The following KLRG1 variants were observed in gnomAD, a reference collection of about 807,000 sequenced individuals.
The protein encoded by KLRG1 is killer cell lectin like receptor G1.
Under a neutral mutation model 21.8 loss-of-function variants are expected in KLRG1, and 16 were observed. That is an observed-to-expected ratio of 0.73 (90% confidence interval 0.50 to 1.11). The LOEUF is 1.11. KLRG1 is among the 50% of genes most tolerant of loss of function. KLRG1 has a pLI of 0.00. For missense variants in KLRG1, 173 were observed against 218.3 expected, an observed-to-expected ratio of 0.79 and a Z score of 1.31; for synonymous variants, 69 against 75.9, an observed-to-expected ratio of 0.91 and a Z score of 0.47.
chr12:9,045,833 A>G, the KLRG1 span, among the ~76,000 whole-genome samples: 3 of 151,972 alleles, frequency 2.0e-5, no homozygotes, highest in Non-Finnish European at 4.4e-5. Context: ...AATGTGGTAC[A>G]TATACACCAT....
At chr12:9,154,898 G>A in the KLRG1 span, 5 of 1,470,042 alleles carry the variant, frequency 3.4e-6, no homozygotes, top group Non-Finnish European at 3.7e-6. Context: ...ATAACTGGTA[G>A]ATAAGAGAAT....
the KLRG1 span, chr12:9,067,722 A>C: frequency 9.8e-7 from 1 of 1,016,656 alleles, no homozygotes; most frequent in Non-Finnish European, 1.5e-6. Context: ...TTGACCAGAA[A>C]AAGTGTTTAT....
chr12:9,112,226 T>A, the KLRG1 span: 1 of 1,613,784 alleles, frequency 6.2e-7, no homozygotes, highest in Non-Finnish European at 8.5e-7. Flanking sequence ...AACAGAAATA[T>A]TTTTCATGAG....
chr12:8,992,383 T>A, intron 2 of KLRG1, 73 bp downstream of exon 2: 1 of 1,089,728 alleles, frequency 9.2e-7, no homozygotes, highest in South Asian at 1.5e-5. Flanking sequence ...GCAGAAGCTT[T>A]GAAAAATCAA....
chr12:9,199,952 T>C, the KLRG1 span, among the ~76,000 whole-genome samples: 1 of 152,300 alleles, frequency 6.6e-6, no homozygotes, highest in Admixed American at 6.5e-5. Flanking sequence ...AGACCATTTT[T>C]AGGACAATTG....
chr12:9,149,064 C>A, the KLRG1 span: 2 of 1,397,128 alleles, frequency 1.4e-6, no homozygotes, highest in Middle Eastern at 3.6e-4. Flanking sequence ...GTGTGGGCAG[C>A]AGAGTGAGCT....
At chr12:9,179,912 A>G in the KLRG1 span, among the ~76,000 whole-genome samples, 1 of 152,214 alleles carries the variant, frequency 6.6e-6, no homozygotes, top group Non-Finnish European at 1.5e-5. Flanking sequence ...CAGATTCAGA[A>G]TTTCAAAATC....
At chr12:9,194,223 C>T in the KLRG1 span, 4 of 1,613,738 alleles carry the variant, frequency 2.5e-6, no homozygotes, top group Non-Finnish European at 2.5e-6. Context: ...ACACCTTTTC[C>T]ATCCACCAGA....
downstream of KLRG1, among the ~76,000 whole-genome samples, chr12:9,015,144 G>A (rs1193722545): frequency 6.6e-6 from 1 of 152,112 alleles, no homozygotes; most frequent in Non-Finnish European, 1.5e-5. Context: ...TAACAAAATG[G>A]CAGGAGTATG....
the KLRG1 span, among the ~76,000 whole-genome samples, chr12:9,024,776 T>C: frequency 3.3e-5 from 5 of 152,216 alleles, no homozygotes; most frequent in Admixed American, 3.3e-4. Context: ...GAGGGGTTTT[T>C]ACCTAGAAGG....
the KLRG1 span, among the ~76,000 whole-genome samples, chr12:9,148,014 C>T: frequency 6.6e-6 from 1 of 151,792 alleles, no homozygotes; most frequent in East Asian, 1.9e-4. Context: ...TTTTTTCTCT[C>T]CATAAAAGGC....
chr12:9,094,374 T>TATATAC, the KLRG1 span, among the ~76,000 whole-genome samples: 28 of 139,626 alleles, frequency 2.0e-4, no homozygotes, highest in African/African-American at 6.0e-4. Flanking sequence ...TATATATATA[T>TATATAC]ACCTATACAT....
At chr12:9,080,411 G>A in the KLRG1 span, 1 of 305,248 alleles carries the variant, frequency 3.3e-6, no homozygotes, top group African/African-American at 2.2e-5. Flanking sequence ...AGAATCGCAT[G>A]CCAAATAAGA....
At chr12:9,158,576 C>G in the KLRG1 span, 1 of 1,613,820 alleles carries the variant, frequency 6.2e-7, no homozygotes, top group Non-Finnish European at 8.5e-7. Context: ...AAGCTGTGAG[C>G]CTAGGGGGAG....
chr12:9,093,044 A>G, the KLRG1 span, among the ~76,000 whole-genome samples: 1 of 152,212 alleles, frequency 6.6e-6, no homozygotes, highest in African/African-American at 2.4e-5. Context: ...GTGGATGCTA[A>G]AAGAAGTTGA....
At chr12:8,969,300 C>G (rs1946529420) in intron 1 of KLRG1, among the ~76,000 whole-genome samples, 1 of 152,162 alleles carries the variant, frequency 6.6e-6, no homozygotes, top group Admixed American at 6.5e-5. Context: ...CATGCAGTGG[C>G]CAGTACAGCG....
chr12:9,051,861 AC>A, the KLRG1 span, among the ~76,000 whole-genome samples: 26 of 152,350 alleles, frequency 1.7e-4, no homozygotes, highest in South Asian at 5.4e-3. Context: ...CCTAAGCCTT[AC>A]TTAGATCTTT....
the KLRG1 span, chr12:9,135,303 G>T: frequency 3.6e-6 from 1 of 281,432 alleles, no homozygotes; most frequent in South Asian, 5.0e-5. Flanking sequence ...GGATCCCCTG[G>T]ACAGGCAGCA....
At chr12:9,195,342 G>T in the KLRG1 span, among the ~76,000 whole-genome samples, 1 of 152,020 alleles carries the variant, frequency 6.6e-6, no homozygotes, top group Non-Finnish European at 1.5e-5. Context: ...AACCAGCTAA[G>T]AAAATACACA....
Sources: allele counts gnomAD v4.1 joint callset (sites outside exome capture counted in the v4.1 genomes callset), GRCh38; gene constraint gnomAD v4.1.1; transcripts MANE v1.5; gene names NCBI Gene and HGNC (gene_info 2026-07-23, HGNC 2026-07-21).